Variants in SHQ1 observed in about 807,000 individuals in gnomAD.
SHQ1 encodes protein SHQ1 homolog.
SHQ1 carries 49 observed loss-of-function variants against 53.8 expected under a neutral mutation model. That is an observed-to-expected ratio of 0.91 (90% CI 0.72 to 1.16). The LOEUF is 1.16. Ranked by LOEUF, SHQ1 falls within the 50% of genes most tolerant of loss-of-function variation. The pLI is 0.00. For synonymous variants in SHQ1, 243 were observed against 251.0 expected, an observed-to-expected ratio of 0.97 and a Z score of 0.30; for missense variants, 738 against 683.1, an observed-to-expected ratio of 1.08 and a Z score of -0.90.
chr3:72,783,382 T>G (rs897844759), intron 10 of SHQ1, among the ~76,000 whole-genome samples: 6 of 131,966 alleles, frequency 4.5e-5, no homozygotes, highest in Non-Finnish European at 6.4e-5. Flanking sequence ...TTTTTTTTTT[T>G]GAGATGGGGT....
At chr3:72,811,529 A>G (rs1438915140) in intron 9 of SHQ1, among the ~76,000 whole-genome samples, 3 of 152,224 alleles carry the variant, frequency 2.0e-5, no homozygotes, top group East Asian at 3.8e-4. Context: ...CTTTCATCCT[A>G]TAATCAACAA....
At chr3:72,751,395 G>C (rs892905814) in intron 10 of SHQ1, among the ~76,000 whole-genome samples, 6 of 151,788 alleles carry the variant, frequency 4.0e-5, no homozygotes, top group African/African-American at 1.5e-4. Context: ...ACTCCAGCTA[G>C]ACAACACAGT....
chr3:72,788,611 G>A lies in SHQ1; in HGVS notation c.1181+4305C>T, dbSNP rs927413975. Among the ~76,000 whole-genome samples the A allele has an allele frequency of 2.0e-5, 3 of 152,224 alleles. No individual in the cohort carries two copies. In the South Asian group the frequency reaches 6.2e-4, roughly 32 times the overall value. ...TAGCTCATTGAGAACAGGCCATGATGACGATGGCAGTTTTGTCGAACAGAA... is the reference window on the plus strand; with the variant it reads ...TAGCTCATTGAGAACAGGCCATGATAACGATGGCAGTTTTGTCGAACAGAA... On this transcript the variant is annotated intron_variant, in intron 10 of 10. Coordinates refer to ENST00000325599, the MANE Select transcript of SHQ1 (RefSeq NM_018130.3).
chr3:72,741,906 T>C, the SHQ1 span, among the ~76,000 whole-genome samples: 2 of 152,272 alleles, frequency 1.3e-5, no homozygotes, highest in African/African-American at 4.8e-5. Flanking sequence ...ATAAGTAATC[T>C]AGAGATGATT....
chr3:72,795,408 G>C (rs958720094), intron 9 of SHQ1: 4 of 152,194 alleles, frequency 2.6e-5, no homozygotes, highest in Admixed American at 6.5e-5. Flanking sequence ...GTAATGTTGA[G>C]AGCAGGGTTT....
intron 4 of SHQ1, among the ~76,000 whole-genome samples, chr3:72,834,687 T>C (rs779837256): frequency 6.6e-6 from 1 of 152,228 alleles, no homozygotes; most frequent in Non-Finnish European, 1.5e-5. Context: ...AGAATTAGAA[T>C]ATATTATACC....
At chr3:72,754,686 G>A (rs1289334277) in intron 10 of SHQ1, among the ~76,000 whole-genome samples, 1 of 152,100 alleles carries the variant, frequency 6.6e-6, no homozygotes, top group Non-Finnish European at 1.5e-5. Flanking sequence ...TGGCCAAAGT[G>A]TCCTTTCTTA....
At chr3:72,810,014 T>C (rs1707069461) in intron 9 of SHQ1, 1 of 152,028 alleles carries the variant, frequency 6.6e-6, no homozygotes, top group Admixed American at 6.6e-5. Context: ...GAAAATCTGC[T>C]TTTTCTCTTT....
At position 72,788,286 on chromosome 3, in the gene SHQ1, G is replaced by A. The variant is rs540212295; in HGVS notation, c.1181+4630C>T. On this transcript the variant is annotated intron_variant, in intron 10 of 10. Transcript: ENST00000325599. ...ATGTGAGGAGCCCCTCTGCCCAGCC[G>A]CCCAGTCTGGGAAGTGAGGAGCGCC... Among the ~76,000 whole-genome samples the A allele has an allele frequency of 2.0e-3, 298 of 150,838 alleles. 2 individuals are homozygous for A. The highest frequency in any genetic ancestry group is 6.8e-3 in the African/African-American group (278 of 41,056).
At chr3:72,797,026 G>A (rs1006364954) in intron 9 of SHQ1, among the ~76,000 whole-genome samples, 3 of 151,680 alleles carry the variant, frequency 2.0e-5, no homozygotes, top group African/African-American at 7.3e-5. Flanking sequence ...GGGAGGCCGA[G>A]GCGGGCAGAT....
Position 72,848,411 on chromosome 3 carries a change from C to T in SHQ1, c.-71G>A, listed in dbSNP as rs545585774. On this transcript the variant is annotated 5_prime_UTR_variant, in exon 1 of 11. Transcript: ENST00000325599. ...CCGCGTTCCCGCCACGCAAACTCTC[C>T]AACTCCCCACGCGCAGGAACTCTCG... The T allele has an allele frequency of 6.9e-6, 11 of 1,587,496 alleles. No homozygotes were observed. The East Asian group carries it at 1.6e-4, about 23-fold the overall frequency.
intron 10 of SHQ1, among the ~76,000 whole-genome samples, chr3:72,751,506 G>GTATATATATATATA (rs1312437115): frequency 2.1e-4 from 25 of 117,436 alleles, no homozygotes; most frequent in African/African-American, 1.1e-3. Context: ...GTGTGTGTGT[G>GTATATATATATATA]TGTATATATA....
At chr3:72,834,008 T>C (rs975779955) in intron 4 of SHQ1, among the ~76,000 whole-genome samples, 2 of 152,216 alleles carry the variant, frequency 1.3e-5, no homozygotes, top group African/African-American at 4.8e-5. Flanking sequence ...TGGTGCCTAA[T>C]AGGCAAGTTT....
chr3:72,796,928 TAAAAAAAA>T (rs60237295), intron 9 of SHQ1, among the ~76,000 whole-genome samples: 5 of 119,856 alleles, frequency 4.2e-5, no homozygotes, highest in African/African-American at 1.5e-4. Flanking sequence ...CCTATTTTCT[TAAAAAAAA>T]AAAAAAAAAA....
chr3:72,745,729 A>C (rs545776071), downstream of SHQ1, among the ~76,000 whole-genome samples: 7 of 151,424 alleles, frequency 4.6e-5, no homozygotes, highest in Non-Finnish European at 5.9e-5. Flanking sequence ...AGTTTATAAA[A>C]GTGCTTTGAA....
chr3:72,787,934 T>A (rs1261793737), intron 10 of SHQ1, among the ~76,000 whole-genome samples: 1 of 152,242 alleles, frequency 6.6e-6, no homozygotes, highest in East Asian at 1.9e-4. Flanking sequence ...CGGGCTGGTC[T>A]CCAGCTCCTG....
At chr3:72,772,601 T>C (rs1193684767) in intron 10 of SHQ1, 2 of 706,814 alleles carry the variant, frequency 2.8e-6, no homozygotes, top group African/African-American at 1.7e-5. Context: ...CTAAAAAACA[T>C]TTTCTTAGGA....
rs75894408 is a variant in SHQ1 at position 72,821,130 on chromosome 3, G to T, written c.727+3294C>A. Among the ~76,000 whole-genome samples the T allele has an allele frequency of 8.2e-3, 1,249 of 152,224 alleles. 17 individuals are homozygous for T. The highest frequency in any genetic ancestry group is 0.027 in the African/African-American group (1,113 of 41,530). On this transcript the variant is annotated intron_variant, in intron 6 of 10. Coordinates refer to ENST00000325599, the MANE Select transcript of SHQ1 (RefSeq NM_018130.3). ...GATCAAGGGAACCAGAAAAAATTGT[G>T]CTGCATTCAAACCTTCAGCCTAAAT...
intron 8 of SHQ1, among the ~76,000 whole-genome samples, chr3:72,813,023 T>C (rs748854327): frequency 1.3e-5 from 2 of 152,206 alleles, no homozygotes; most frequent in Non-Finnish European, 2.9e-5. Flanking sequence ...ATCACAAATG[T>C]CACAAGAAAG....
Sources: gnomAD v4.1 joint callset for allele counts (sites outside exome capture counted in the v4.1 genomes callset) on GRCh38, gnomAD v4.1.1 for gene constraint, MANE v1.5 for transcripts, NCBI Gene and HGNC (gene_info 2026-07-23, HGNC 2026-07-21) for gene names.